NXPE2: variants seen among roughly 807,000 people sequenced by gnomAD.
NXPE2 encodes the protein NXPE family member 2.
NXPE2 carries 34 observed loss-of-function variants against 34.4 expected under a neutral mutation model. That is an observed-to-expected ratio of 0.99 (90% CI 0.75 to 1.31). NXPE2 has a LOEUF of 1.31. Among genes scored for constraint, NXPE2 ranks in the 40% most tolerant of loss-of-function variants. The pLI, the probability that NXPE2 is intolerant of heterozygous loss-of-function variation, is 0.00. For synonymous variants in NXPE2, 235 were observed against 231.3 expected, an observed-to-expected ratio of 1.02 and a Z score of -0.15; for missense variants, 649 against 672.5, an observed-to-expected ratio of 0.97 and a Z score of 0.39.
chr11:114,611,449 G>T, the NXPE2 span, among the ~76,000 whole-genome samples: 19 of 151,582 alleles, frequency 1.3e-4, no homozygotes, highest in Non-Finnish European at 2.7e-4. Flanking sequence ...TTACCCAGTG[G>T]ATAATAAGTA....
At chr11:114,651,028 G>T in the NXPE2 span, among the ~76,000 whole-genome samples, 1 of 152,078 alleles carries the variant, frequency 6.6e-6, no homozygotes, top group East Asian at 1.9e-4. Context: ...AGAATTTGAA[G>T]TCTGTGGTAC....
downstream of NXPE2, among the ~76,000 whole-genome samples, chr11:114,710,813 G>A (rs571656420): frequency 6.6e-6 from 1 of 151,912 alleles, no homozygotes; most frequent in Non-Finnish European, 1.5e-5. Flanking sequence ...TGATATCCCT[G>A]ATAAGCATAG....
At chr11:114,581,632 A>G in the NXPE2 span, 2 of 997,442 alleles carry the variant, frequency 2.0e-6, no homozygotes, top group Non-Finnish European at 3.1e-6. Flanking sequence ...GAGTGCTGAT[A>G]GGACTGAAAC....
chr11:114,650,031 A>G, the NXPE2 span, among the ~76,000 whole-genome samples: 1 of 152,196 alleles, frequency 6.6e-6, no homozygotes, highest in Non-Finnish European at 1.5e-5. Flanking sequence ...TTCTACATAA[A>G]CTGTAATAAA....
At chr11:114,663,733 A>G in the NXPE2 span, among the ~76,000 whole-genome samples, 2 of 151,988 alleles carry the variant, frequency 1.3e-5, no homozygotes, top group African/African-American at 4.8e-5. Context: ...CTACCTATCT[A>G]TTGGCGAACT....
At chr11:114,653,726 C>G in the NXPE2 span, among the ~76,000 whole-genome samples, 2 of 152,014 alleles carry the variant, frequency 1.3e-5, no homozygotes, top group Admixed American at 6.5e-5. Flanking sequence ...GACAGGGTTT[C>G]ACTGTGTTAG....
At chr11:114,618,579 C>T in the NXPE2 span, among the ~76,000 whole-genome samples, 5 of 152,052 alleles carry the variant, frequency 3.3e-5, no homozygotes, top group East Asian at 1.9e-4. Context: ...AGTATTGCCT[C>T]GTGGGTAACA....
chr11:114,590,688 C>A, the NXPE2 span, among the ~76,000 whole-genome samples: 1 of 152,118 alleles, frequency 6.6e-6, no homozygotes, highest in Non-Finnish European at 1.5e-5. Context: ...TGAGGACCAG[C>A]TCAACAACTA....
chr11:114,529,315 T>C, the NXPE2 span: 1 of 152,744 alleles, frequency 6.5e-6, no homozygotes, highest in Non-Finnish European at 1.5e-5. Context: ...ATAGAAGTCT[T>C]AGGGCTTGGC....
At chr11:114,684,725 G>T (rs1453400119) in intron 2 of NXPE2, among the ~76,000 whole-genome samples, 1 of 152,038 alleles carries the variant, frequency 6.6e-6, no homozygotes, top group Admixed American at 6.6e-5. Flanking sequence ...TTTCCTTTTT[G>T]TAATATGGGA....
the NXPE2 span, among the ~76,000 whole-genome samples, chr11:114,592,488 C>T: frequency 1.8e-4 from 28 of 151,664 alleles, no homozygotes; most frequent in Non-Finnish European, 8.8e-5. Context: ...ATGAAAACTA[C>T]AAAACATTGA....
At chr11:114,640,939 A>AACAG in the NXPE2 span, among the ~76,000 whole-genome samples, 1 of 151,932 alleles carries the variant, frequency 6.6e-6, no homozygotes, top group Non-Finnish European at 1.5e-5. Context: ...TGCTGTGCAA[A>AACAG]AGGAAAAAGG....
intron 2 of NXPE2, among the ~76,000 whole-genome samples, chr11:114,680,342 A>C (rs756600360): frequency 1.3e-5 from 2 of 152,126 alleles, no homozygotes; most frequent in Non-Finnish European, 2.9e-5. Flanking sequence ...GCCCGTTTAC[A>C]TTTGAACCCA....
At chr11:114,521,225 G>A in the NXPE2 span, among the ~76,000 whole-genome samples, 3 of 151,988 alleles carry the variant, frequency 2.0e-5, no homozygotes, top group South Asian at 2.1e-4. Context: ...TCAAAATAAG[G>A]GTTTACCCAA....
the NXPE2 span, among the ~76,000 whole-genome samples, chr11:114,619,667 T>C: frequency 2.1e-5 from 3 of 146,144 alleles, no homozygotes; most frequent in East Asian, 2.1e-4. Flanking sequence ...AGTGTTGCCT[T>C]GTGGGTAACC....
At chr11:114,549,438 TTTG>T in the NXPE2 span, among the ~76,000 whole-genome samples, 2 of 152,024 alleles carry the variant, frequency 1.3e-5, no homozygotes, top group Non-Finnish European at 2.9e-5. Flanking sequence ...GAATACACAT[TTTG>T]TTCCGTTTTT....
the NXPE2 span, among the ~76,000 whole-genome samples, chr11:114,669,760 A>G: frequency 6.6e-6 from 1 of 152,042 alleles, no homozygotes; most frequent in Non-Finnish European, 1.5e-5. Context: ...CTTTATTTGG[A>G]GCAGTCTGAA....
At chr11:114,798,640 C>CCAAAGTGCTGGGATTACAGGCGT in the NXPE2 span, among the ~76,000 whole-genome samples, 3 of 152,350 alleles carry the variant, frequency 2.0e-5, no homozygotes, top group South Asian at 6.2e-4. Flanking sequence ...CCTTGGCCTC[C>CCAAAGTGCTGGGATTACAGGCGT]CAAAGTGCTG....
chr11:114,757,222 T>C, the NXPE2 span, among the ~76,000 whole-genome samples: 1 of 152,166 alleles, frequency 6.6e-6, no homozygotes. Flanking sequence ...TTAGTTTTCT[T>C]TTTTATTCCA....
Sources: allele counts gnomAD v4.1 joint callset (sites outside exome capture counted in the v4.1 genomes callset), GRCh38; gene constraint gnomAD v4.1.1; transcripts MANE v1.5; gene names NCBI Gene and HGNC (gene_info 2026-07-23, HGNC 2026-07-21).